WRAP73: variants seen among roughly 807,000 people sequenced by gnomAD.
WRAP73 encodes WD repeat-containing protein WRAP73.
Under a neutral mutation model 59.6 loss-of-function variants are expected in WRAP73, and 55 were observed. The ratio of observed to expected loss-of-function variants is 0.92; its 90% CI spans 0.74 to 1.15. The LOEUF is 1.15. Among genes scored for constraint, WRAP73 ranks in the 50% most tolerant of loss-of-function variants. The pLI, the probability that WRAP73 is intolerant of heterozygous loss-of-function variation, is 0.00. For synonymous variants in WRAP73, 265 were observed against 258.2 expected (o/e 1.03, Z -0.25); for missense variants, 592 against 608.1 (o/e 0.97, Z 0.28).
In WRAP73 at chr1:3,646,285, G is replaced by A. The variant is rs776824699; in HGVS notation, c.339+381C>T. On this transcript the variant is annotated intron_variant, in intron 3 of 11. Transcript: ENST00000270708. This position sits in a 1 kb window ranked among gnomAD's most constrained non-coding sequence, Gnocchi z 5.1. ...CCACAAAGTGCTTCCTTTAAATGAC[G>A]AGCTGAAAGTTCTTGACGCAACAAG... 2.0e-5 allele frequency among the ~76,000 whole-genome samples: 3 copies of A among 152,160 alleles called. No homozygotes were observed. Among genetic ancestry groups the A allele is most frequent in the Non-Finnish European group, 4.4e-5 (3 of 68,040 alleles).
chr1:3,638,879 G>A (rs1441832510), intron 3 of WRAP73, 57 bp from the exon 4 acceptor site: 14 of 1,595,852 alleles, frequency 8.8e-6, no homozygotes, highest in African/African-American at 1.3e-5. Context: ...ATCAGAGACC[G>A]TCTCAATCCT....
intron 5 of WRAP73, 166 bp downstream of exon 5, chr1:3,636,829 A>T (rs1453128503): frequency 1.3e-6 from 1 of 746,358 alleles, no homozygotes; most frequent in Non-Finnish European, 2.3e-6. Context: ...TGAACACACA[A>T]CCGGGTGCCA....
Position 3,631,019 on chromosome 1 carries a change from C to T in WRAP73, c.1339G>A (p.Ala447Thr). 1 of 1,613,118 alleles carries T rather than the reference C, an allele frequency of 6.2e-7. No homozygotes were observed. The highest frequency in any genetic ancestry group is 8.5e-7 in the Non-Finnish European group (1 of 1,180,012). ...TGTCTGCAGGCTGTGCCGACCACTG[C>T]CTCTGTCTCCAGGAAGCAGAGGCAG... ...HFCLCFLETEAVVGTACRQLG... is the reference protein window; with the variant it reads ...HFCLCFLETETVVGTACRQLG... The change falls in exon 12 of 12, where the codon GCA (alanine) becomes ACA (threonine). Residue 447 changes from alanine to threonine, a missense_variant. By Grantham distance (58) the Ala-to-Thr change is moderately conservative (BLOSUM62 0). Transcript: ENST00000270708.
chr1:3,635,290 T>C lies in WRAP73; in HGVS notation c.608A>G (p.Lys203Arg), dbSNP rs910171316. The change falls in exon 7 of 12, where the codon AAG becomes AGG. Residue 203 changes from lysine to arginine, a missense_variant. Coordinates refer to ENST00000270708, the MANE Select transcript of WRAP73 (RefSeq NM_017818.4). ...GCCATCCAATGAGTACAGCAGAATC[T>C]TGTACTGCAGATGAGACATTTCAGT... ...LAVWDTCLEY[K>R]ILLYSLDGRL... The C allele has an allele frequency of 5.0e-6, 8 of 1,613,732 alleles. No individual in the cohort carries two copies. The Admixed American group carries it at 1.2e-4, about 24-fold the overall frequency.
At chr1:3,632,002 C>T (rs1644539922) in intron 10 of WRAP73, 2 of 1,443,340 alleles carry the variant, frequency 1.4e-6, no homozygotes, top group Middle Eastern at 2.6e-4. Flanking sequence ...AGGGTGGAGG[C>T]CTCCTGACTC....
At chr1:3,637,859 G>C (rs945709920) in intron 4 of WRAP73, among the ~76,000 whole-genome samples, 7 of 152,170 alleles carry the variant, frequency 4.6e-5, no homozygotes, top group African/African-American at 1.7e-4. Context: ...AGATGAAAAT[G>C]TGGAAGAAAC....
At chr1:3,637,303 C>A (rs1255159119) in intron 4 of WRAP73, among the ~76,000 whole-genome samples, 1 of 152,232 alleles carries the variant, frequency 6.6e-6, no homozygotes, top group Non-Finnish European at 1.5e-5. Context: ...TTCACCCTCA[C>A]AACGCAGTGT....
chr1:3,637,825 C>A (rs1050115051), intron 4 of WRAP73, among the ~76,000 whole-genome samples: 3 of 152,008 alleles, frequency 2.0e-5, no homozygotes, highest in Admixed American at 1.3e-4. Context: ...CAGAGCAAGA[C>A]CCTGTCTCAA....
intron 4 of WRAP73, among the ~76,000 whole-genome samples, chr1:3,638,354 C>T (rs548063682): frequency 6.6e-6 from 1 of 152,142 alleles, no homozygotes; most frequent in Admixed American, 6.5e-5. Flanking sequence ...CTTTCGCAGA[C>T]ATCATATTTA....
In WRAP73 at chr1:3,633,442, G is replaced by A. The variant is rs199984886; in HGVS notation, c.878C>T (p.Pro293Leu). The A allele has an allele frequency of 5.1e-5, 82 of 1,612,484 alleles. No individual in the cohort carries two copies. Among genetic ancestry groups the A allele is most frequent in the East Asian group, 4.5e-5 (2 of 44,876 alleles). ...QLGLGCLSFP[P>L]PRAGAGPLPS... ...GAGAGGGCCGGCCCCGGCCCGGGGC[G>A]GCGGGAAGGAGAGGCAGCCCAGTCC... Residue 293 changes from proline (P) to leucine (L), a missense_variant, in exon 9 of 12, where the codon CCG (proline) becomes CTG (leucine). Physicochemically the swap from Pro to Leu is moderately conservative, Grantham distance 98 (BLOSUM62 -3). Transcript: ENST00000270708.
intron 4 of WRAP73, among the ~76,000 whole-genome samples, chr1:3,637,403 ATGAG>A (rs1644599097): frequency 1.3e-5 from 2 of 151,332 alleles, no homozygotes. Context: ...AATCACAAAT[ATGAG>A]TGAGAAACAC....
chr1:3,643,611 C>T (rs1347955056), intron 3 of WRAP73, among the ~76,000 whole-genome samples: 3 of 148,290 alleles, frequency 2.0e-5, no homozygotes, highest in Non-Finnish European at 3.0e-5. Flanking sequence ...GACCCAGCGG[C>T]CCCGCTGAGC....
At chr1:3,648,020 T>A (rs1417767975) in intron 1 of WRAP73, among the ~76,000 whole-genome samples, 1 of 152,236 alleles carries the variant, frequency 6.6e-6, no homozygotes, top group African/African-American at 2.4e-5. Flanking sequence ...TGGCAAGGAA[T>A]GCATCAATCT....
chr1:3,631,394 C>G (rs956839795), intron 11 of WRAP73, 72 bp downstream of exon 11: 3 of 1,512,448 alleles, frequency 2.0e-6, no homozygotes, highest in Middle Eastern at 3.4e-4. Context: ...TGGGCTTCAA[C>G]AGTTCAGCCC....
chr1:3,645,482 C>T (rs1291671058), intron 3 of WRAP73, among the ~76,000 whole-genome samples: 2 of 138,166 alleles, frequency 1.4e-5, no homozygotes, highest in African/African-American at 5.3e-5. Flanking sequence ...GGCGGGTTGC[C>T]CCGTGGTGTG....
At chr1:3,644,923 G>T (rs775859765) in intron 3 of WRAP73, among the ~76,000 whole-genome samples, 11 of 152,176 alleles carry the variant, frequency 7.2e-5, no homozygotes, top group Non-Finnish European at 1.0e-4. Flanking sequence ...GCAGATTTGG[G>T]CCCAAAGCAT....
intron 2 of WRAP73, 114 bp downstream of exon 2, chr1:3,647,294 T>C (rs1246147497): frequency 2.6e-6 from 3 of 1,138,008 alleles, no homozygotes; most frequent in East Asian, 5.8e-5. Flanking sequence ...AAAAGAAAAC[T>C]GGCTTTGAGC....
rs529427825 is a variant in WRAP73 at position 3,640,607 on chromosome 1, T to C, written c.340-1785A>G. Among the ~76,000 whole-genome samples, 7 of 146,184 alleles carry C rather than the reference T, an allele frequency of 4.8e-5. No homozygotes were observed. The South Asian group carries it at 1.5e-3, about 31-fold the overall frequency. On this transcript the variant is annotated intron_variant, in intron 3 of 11. Transcript: ENST00000270708. ...GGGCAGGGTGGAACGCCCCAGGCTC[T>C]GAGCGTCAGCAGGGCGGGGTGGAGC...
In WRAP73 at chr1:3,647,470, T is replaced by C. The variant is rs780957455; in HGVS notation, c.160A>G (p.Ile54Val). 3.1e-6 allele frequency: 5 copies of C among 1,613,870 alleles called. No individual in the cohort carries two copies. Among genetic ancestry groups the C allele is most frequent in the African/African-American group, 1.3e-5 (1 of 74,930 alleles). ...AAGAGCGAGTCTGCCGACCACTCGATGTGCTGGATCTGGTCTAGGCACGTG... is the reference window on the plus strand; with the variant it reads ...AAGAGCGAGTCTGCCGACCACTCGACGTGCTGGATCTGGTCTAGGCACGTG... ...LYTCLDQIQH[I>V]EWSADSLFIL... Residue 54 changes from isoleucine to valine, a missense_variant, in exon 2 of 12, where the codon ATC becomes GTC. Physicochemically the swap from Ile to Val is conservative, Grantham distance 29 (BLOSUM62 3). Coordinates refer to ENST00000270708, the MANE Select transcript of WRAP73 (RefSeq NM_017818.4).
Sources: gnomAD v4.1 joint callset for allele counts (sites outside exome capture counted in the v4.1 genomes callset) on GRCh38, gnomAD v4.1.1 for gene constraint, Gnocchi (gnomAD v3.1) non-coding constraint, MANE v1.5 for transcripts, NCBI Gene and HGNC (gene_info 2026-07-23, HGNC 2026-07-21) for gene names.